The following ESRRB variants were observed in gnomAD, a reference collection of about 807,000 sequenced individuals.
The protein encoded by ESRRB is steroid hormone receptor ERR2.
In ESRRB, 16 loss-of-function variants were observed where a neutral mutation model predicts 46.0. The observed-to-expected ratio is 0.35, with a 90% CI of 0.24 to 0.53. The LOEUF (loss-of-function observed/expected upper bound fraction) is 0.53. Among genes scored for constraint, ESRRB ranks in the 20% least tolerant of loss-of-function variants. The probability of loss-of-function intolerance (pLI) is 0.93; values close to 1 mark genes in which losing one functional copy is unlikely to be tolerated. For missense variants in ESRRB, 488 were observed against 607.4 expected (o/e 0.80, Z 2.07); for synonymous variants, 246 against 259.6 (o/e 0.95, Z 0.50).
chr14:76,426,595 T>C (rs1037769837), intron 1 of ESRRB, among the ~76,000 whole-genome samples: 4 of 152,136 alleles, frequency 2.6e-5, no homozygotes, highest in African/African-American at 9.7e-5. Context: ...ATTGCCAAGA[T>C]GGTAAAATGT....
intron 1 of ESRRB, among the ~76,000 whole-genome samples, chr14:76,433,395 A>G (rs1222325179): frequency 3.3e-5 from 5 of 152,218 alleles, no homozygotes. Context: ...GACCAGCAGT[A>G]GGACCGAGAT....
chr14:76,450,262 C>T (rs1213418813), intron 2 of ESRRB, among the ~76,000 whole-genome samples: 2 of 152,102 alleles, frequency 1.3e-5, no homozygotes, highest in Non-Finnish European at 2.9e-5. Flanking sequence ...AGGAAAAAGC[C>T]AGTGTGTTTC....
chr14:76,334,057 G>A (rs965688901), intron 1 of ESRRB, among the ~76,000 whole-genome samples: 25 of 152,130 alleles, frequency 1.6e-4, no homozygotes, highest in African/African-American at 5.8e-4. Flanking sequence ...TAAACGTACA[G>A]GGCTGAAATA....
chr14:76,409,099 G>T (rs78001451), intron 1 of ESRRB, among the ~76,000 whole-genome samples: 6 of 152,122 alleles, frequency 3.9e-5, no homozygotes, highest in African/African-American at 1.4e-4. Context: ...AAATGGGAAC[G>T]CCCAGGCTTC....
At chr14:76,328,206 A>G (rs531850991) in intron 1 of ESRRB, among the ~76,000 whole-genome samples, 1 of 152,342 alleles carries the variant, frequency 6.6e-6, no homozygotes, top group Non-Finnish European at 1.5e-5. Flanking sequence ...ATAGGACCTC[A>G]GCAAGGAGGG....
chr14:76,477,880 G>A (rs1038328128), intron 3 of ESRRB, among the ~76,000 whole-genome samples: 7 of 152,130 alleles, frequency 4.6e-5, no homozygotes, highest in African/African-American at 1.7e-4. Context: ...ACCATGGAAT[G>A]GCAAAAAGCT....
chr14:76,413,344 C>T (rs1886521583), intron 1 of ESRRB, among the ~76,000 whole-genome samples: 1 of 152,204 alleles, frequency 6.6e-6, no homozygotes, highest in African/African-American at 2.4e-5. Context: ...CCCGGCCACA[C>T]ACCTGTGTCC....
At chr14:76,393,538 AAAG>A (rs1352586804) in intron 1 of ESRRB, among the ~76,000 whole-genome samples, 1 of 152,236 alleles carries the variant, frequency 6.6e-6, no homozygotes, top group Non-Finnish European at 1.5e-5. Context: ...CCTTTACTGC[AAAG>A]AAGAAAACAT....
At chr14:76,418,065 C>A (rs1285872107) in intron 1 of ESRRB, among the ~76,000 whole-genome samples, 1 of 149,372 alleles carries the variant, frequency 6.7e-6, no homozygotes, top group Admixed American at 6.8e-5. Context: ...AAGTGATTCT[C>A]CTGCCTCAGC....
At chr14:76,353,763 G>A (rs1226594860) in intron 1 of ESRRB, among the ~76,000 whole-genome samples, 4 of 151,990 alleles carry the variant, frequency 2.6e-5, no homozygotes, top group Non-Finnish European at 5.9e-5. Context: ...ACCAGCCTGG[G>A]CAACATAGTG....
At chr14:76,323,452 G>T (rs781101042) in intron 1 of ESRRB, among the ~76,000 whole-genome samples, 9 of 152,022 alleles carry the variant, frequency 5.9e-5, no homozygotes, top group Non-Finnish European at 8.8e-5. Context: ...TGGGACTACA[G>T]GCATGTACCA....
intron 1 of ESRRB, among the ~76,000 whole-genome samples, chr14:76,358,258 G>T (rs2139767901): frequency 6.8e-6 from 1 of 147,540 alleles, no homozygotes; most frequent in African/African-American, 2.5e-5. Flanking sequence ...GTTTCAGTGA[G>T]CCAAGATTGC....
intron 2 of ESRRB, among the ~76,000 whole-genome samples, chr14:76,460,180 AG>A (rs1166509384): frequency 6.6e-6 from 1 of 152,234 alleles, no homozygotes; most frequent in Non-Finnish European, 1.5e-5. Flanking sequence ...GTGGTGACAC[AG>A]GGAAGCCCAA....
chr14:76,500,679 T>C lies in ESRRB; in HGVS notation c.*2221T>C, dbSNP rs1205872658. 6.2e-7 allele frequency: 1 copy of C among 1,613,806 alleles called. No homozygotes were observed. The highest frequency in any genetic ancestry group is 1.1e-5 in the South Asian group (1 of 91,082). On this transcript the variant is annotated 3_prime_UTR_variant, in exon 7 of 7. Transcript: ENST00000644823. ...GGCATCATGCCCAGCTGGCATCTGC[T>C]GTCTGTCTTTTCTAGGGAAAGCATC...
chr14:76,469,957 T>TTC (rs1889312718), intron 3 of ESRRB, among the ~76,000 whole-genome samples: 1 of 138,004 alleles, frequency 7.2e-6, no homozygotes, highest in African/African-American at 2.7e-5. Context: ...TTTTTTTTTT[T>TTC]TTTTTTTTGA....
chr14:76,482,533 G>A lies in ESRRB; in HGVS notation c.689-65G>A. 6.3e-7 allele frequency: 1 copy of A among 1,590,546 alleles called. No individual in the cohort carries two copies. Among genetic ancestry groups the A allele is most frequent in the Non-Finnish European group, 8.6e-7 (1 of 1,159,886 alleles). On this transcript the variant is annotated intron_variant, in intron 4 of 6. Coordinates refer to ENST00000644823, the MANE Select transcript of ESRRB (RefSeq NM_001379180.1). The surrounding 1 kb of genome is among the most constrained non-coding windows in gnomAD (Gnocchi z 4.3). Reference sequence around the variant, plus strand: ...CCCAACTTTGCTTCCTGACCCATCTGAGCCTCCACCCCGGCCCCTTTCCTC... The same window carrying A: ...CCCAACTTTGCTTCCTGACCCATCTAAGCCTCCACCCCGGCCCCTTTCCTC...
intron 1 of ESRRB, among the ~76,000 whole-genome samples, chr14:76,353,384 C>A (rs1884337446): frequency 6.6e-6 from 1 of 152,222 alleles, no homozygotes; most frequent in African/African-American, 2.4e-5. Flanking sequence ...TTAAGGTTCA[C>A]CCTGTATGTC....
chr14:76,374,697 CTGA>C, upstream of ESRRB, among the ~76,000 whole-genome samples: 1 of 152,252 alleles, frequency 6.6e-6, no homozygotes, highest in South Asian at 2.1e-4. Flanking sequence ...CTTTCTGTCT[CTGA>C]TGAAGTACCT....
At chr14:76,414,621 A>T (rs1886612109) in intron 1 of ESRRB, among the ~76,000 whole-genome samples, 1 of 140,404 alleles carries the variant, frequency 7.1e-6, no homozygotes, top group Non-Finnish European at 1.5e-5. Flanking sequence ...ATCAAATTTT[A>T]CTTGATTATT....
Sources: allele counts gnomAD v4.1 joint callset (sites outside exome capture counted in the v4.1 genomes callset), GRCh38; gene constraint gnomAD v4.1.1; non-coding constraint Gnocchi (gnomAD v3.1); transcripts MANE v1.5; gene names NCBI Gene and HGNC (gene_info 2026-07-23, HGNC 2026-07-21).